LRPPRC: variants seen among roughly 807,000 people sequenced by gnomAD.
The protein encoded by LRPPRC is leucine rich pentatricopeptide repeat containing, also known as leucine-rich PPR motif-containing protein, mitochondrial.
LRPPRC carries 120 observed loss-of-function variants against 180.3 expected under a neutral mutation model. The ratio of observed to expected loss-of-function variants is 0.67; its 90% CI spans 0.57 to 0.77. The LOEUF is 0.77. Ranked by LOEUF, LRPPRC falls within the 30% of genes least tolerant of loss-of-function variation. The pLI is 0.00. For synonymous variants in LRPPRC, 723 were observed against 600.0 expected (o/e 1.21, Z -3.00); for missense variants, 2,012 against 1,657.2 (o/e 1.21, Z -3.72).
intron 2 of LRPPRC, among the ~76,000 whole-genome samples, chr2:43,981,469 G>A (rs765267488): frequency 6.6e-6 from 1 of 152,098 alleles, no homozygotes; most frequent in Non-Finnish European, 1.5e-5. Context: ...GACCAGCCTG[G>A]CCAACATGGT....
At chr2:43,912,944 A>C (rs1189414031) in intron 29 of LRPPRC, among the ~76,000 whole-genome samples, 1 of 152,172 alleles carries the variant, frequency 6.6e-6, no homozygotes, top group African/African-American at 2.4e-5. Context: ...AATAAACCAG[A>C]GGTATAATTT....
chr2:43,925,040 A>G (rs746365179), intron 27 of LRPPRC, 27 bp downstream of exon 27: 1 of 1,238,666 alleles, frequency 8.1e-7, no homozygotes, highest in Non-Finnish European at 1.2e-6. Context: ...AATAAATGAA[A>G]GCGTGAAGAA....
chr2:43,988,559 C>CT (rs1255040347), intron 1 of LRPPRC, among the ~76,000 whole-genome samples: 3 of 152,188 alleles, frequency 2.0e-5, no homozygotes, highest in African/African-American at 7.2e-5. Flanking sequence ...AGAGACGCCA[C>CT]TGCTCAATAA....
Position 43,995,937 on chromosome 2 carries a change from A to T in LRPPRC, c.11T>A (p.Leu4Gln), listed in dbSNP as rs1284924066. The change falls in exon 1 of 38, where the codon CTG becomes CAG. Residue 4 changes from leucine (L) to glutamine (Q), a missense_variant. Physicochemically the swap from Leu to Gln is moderately radical, Grantham distance 113. Transcript: ENST00000260665. ...CAGCAACCAACGCGCGGATCTCAGC[A>T]GGGCTGCCATTGCTCGAACGTCCCC... MAALLRSARWLLRA... is the reference protein window; with the variant it reads MAAQLRSARWLLRA... 1 of 1,525,470 alleles carries T rather than the reference A, an allele frequency of 6.6e-7. No homozygotes were observed. Among genetic ancestry groups the T allele is most frequent in the Non-Finnish European group, 8.7e-7 (1 of 1,142,992 alleles). 94.5% of individuals were successfully genotyped at this position (1,525,470 alleles called of 1,614,324 possible).
intron 35 of LRPPRC, among the ~76,000 whole-genome samples, chr2:43,896,060 A>C (rs2104982162): frequency 6.6e-6 from 1 of 152,164 alleles, no homozygotes; most frequent in Non-Finnish European, 1.5e-5. Context: ...TGGCTCATTT[A>C]CCTGATGGTT....
At chr2:43,890,861 G>A (rs1227305808) in intron 36 of LRPPRC, among the ~76,000 whole-genome samples, 1 of 152,226 alleles carries the variant, frequency 6.6e-6, no homozygotes, top group Non-Finnish European at 1.5e-5. Flanking sequence ...TTACCATGGA[G>A]ATGGTAAGGG....
rs762287853 is a variant in LRPPRC, at chr2:43,973,900, G to A, written c.1156C>T (p.Pro386Ser). 1.3e-6 allele frequency: 2 copies of A among 1,581,148 alleles called. No homozygotes were observed. Among genetic ancestry groups the A allele is most frequent in the Admixed American group, 3.3e-5 (2 of 59,980 alleles). Residue 386 changes from proline to serine, a missense_variant and splice_region_variant, in exon 10 of 38, where the codon CCT becomes TCT. Coordinates refer to ENST00000260665, the MANE Select transcript of LRPPRC (RefSeq NM_133259.4). ...FLQHCVTMNTPVEKLTDYCKK... is the reference protein window; with the variant it reads ...FLQHCVTMNTSVEKLTDYCKK... ...CAGTAGTCTGTTAGCTTCTCCACAG[G>A]CTGTGGGAAAAAAGTCACCACATTA... is the stretch of plus-strand genomic sequence containing the variant.
chr2:43,888,580 C>G lies in LRPPRC; in HGVS notation c.*20G>C. ...CACAGAATCACAAATATATACAAAA[C>G]AAAGTATCGCCTGGTTATTTCAAGA... On this transcript the variant is annotated 3_prime_UTR_variant, in exon 38 of 38. Coordinates refer to ENST00000260665, the MANE Select transcript of LRPPRC (RefSeq NM_133259.4). The G allele has an allele frequency of 6.8e-7, 1 of 1,468,894 alleles. No individual in the cohort carries two copies. Among genetic ancestry groups the G allele is most frequent in the Non-Finnish European group, 9.5e-7 (1 of 1,048,392 alleles). 91.0% of individuals were successfully genotyped at this position (1,468,894 alleles called of 1,614,324 possible).
chr2:43,989,522 A>G (rs1674679256), intron 1 of LRPPRC, among the ~76,000 whole-genome samples: 1 of 152,230 alleles, frequency 6.6e-6, no homozygotes, highest in Admixed American at 6.5e-5. Context: ...TTCCAGATAC[A>G]TTCTGAGATC....
chr2:43,889,148 G>C (rs945094194), intron 37 of LRPPRC, among the ~76,000 whole-genome samples: 36 of 151,932 alleles, frequency 2.4e-4, no homozygotes, highest in Middle Eastern at 3.4e-3. Context: ...AACCCCATCT[G>C]TACTAAAAAT....
At chr2:43,976,354 G>A in intron 5 of LRPPRC, 125 bp from the exon 6 acceptor site, 1 of 663,316 alleles carries the variant, frequency 1.5e-6, no homozygotes, top group Non-Finnish European at 2.7e-6. Flanking sequence ...ATTTGTTTTA[G>A]AAACCACAAA....
chr2:43,946,237 G>T lies in LRPPRC; in HGVS notation c.2086C>A (p.Gln696Lys), dbSNP rs765834734. Reference protein sequence around the residue: ...ILVLCSEENMQKALELKAKYE... With the variant: ...ILVLCSEENMKKALELKAKYE... Reference sequence around the variant, plus strand: ...TTTGCTTTCAATTCAAGGGCTTTTTGCATATTCTAAAATACAGCATAGATG... The same window carrying T: ...TTTGCTTTCAATTCAAGGGCTTTTTTCATATTCTAAAATACAGCATAGATG... Residue 696 changes from glutamine (Q) to lysine (K), a missense_variant, in exon 21 of 38, where the codon CAA (glutamine) becomes AAA (lysine). Gln to Lys is a moderately conservative substitution (Grantham distance 53). Coordinates refer to ENST00000260665, the MANE Select transcript of LRPPRC (RefSeq NM_133259.4). 3.7e-6 allele frequency: 6 copies of T among 1,610,104 alleles called. No individual in the cohort carries two copies. The South Asian group carries it at 6.6e-5, about 18-fold the overall frequency.
At chr2:43,932,772 T>C (rs112369956) in intron 25 of LRPPRC, among the ~76,000 whole-genome samples, 62 of 152,328 alleles carry the variant, frequency 4.1e-4, no homozygotes, top group African/African-American at 1.4e-3. Flanking sequence ...TGTTCTCTTT[T>C]ATACATGAGG....
chr2:43,956,040 G>A, intron 14 of LRPPRC, among the ~76,000 whole-genome samples: 1 of 149,582 alleles, frequency 6.7e-6, no homozygotes, highest in Middle Eastern at 3.4e-3. Context: ...AAGTACTATT[G>A]CTAAAAATGC....
At chr2:43,892,820 CAT>C (rs1670540012) in intron 36 of LRPPRC, 1 of 150,358 alleles carries the variant, frequency 6.7e-6, no homozygotes, top group African/African-American at 2.4e-5. Context: ...AAAAAAAAAA[CAT>C]GTTTCATAAG....
chr2:43,888,778 G>C, intron 37 of LRPPRC, 122 bp from the exon 38 acceptor site: 1 of 675,944 alleles, frequency 1.5e-6, no homozygotes, highest in African/African-American at 1.8e-5. Context: ...GGAAGATGCT[G>C]CCCCTCAAGC....
chr2:43,891,443 T>C (rs920882489), intron 36 of LRPPRC, among the ~76,000 whole-genome samples: 3 of 152,262 alleles, frequency 2.0e-5, no homozygotes, highest in Admixed American at 2.0e-4. Context: ...ATGTGCTTAC[T>C]TTGTGTCTCT....
At chr2:43,950,675 G>T in intron 14 of LRPPRC, 75 bp from the exon 15 acceptor site, 1 of 952,524 alleles carries the variant, frequency 1.0e-6, no homozygotes, top group Non-Finnish European at 1.7e-6. Context: ...AATATGTACA[G>T]ATCAAAGTAT....
chr2:43,996,146 G>T (rs181053257), upstream of LRPPRC: 11 of 542,954 alleles, frequency 2.0e-5, no homozygotes, highest in Admixed American at 1.9e-4. Context: ...TTACATAAAC[G>T]ATGTTGCTTG....
Sources: gnomAD v4.1 joint callset for allele counts (sites outside exome capture counted in the v4.1 genomes callset) on GRCh38, gnomAD v4.1.1 for gene constraint, MANE v1.5 for transcripts, NCBI Gene and HGNC (gene_info 2026-07-23, HGNC 2026-07-21) for gene names.